The following CTNND2 variants were observed in gnomAD, a reference collection of about 807,000 sequenced individuals.
CTNND2 encodes catenin delta-2.
In CTNND2, 22 loss-of-function variants were observed where a neutral mutation model predicts 144.4. That is an observed-to-expected ratio of 0.15 (90% CI 0.11 to 0.22). CTNND2 has a LOEUF of 0.22. Ranked by LOEUF, CTNND2 falls within the 10% of genes least tolerant of loss-of-function variation. CTNND2 has a pLI of 1.00. For synonymous variants in CTNND2, 751 were observed against 695.6 expected (o/e 1.08, Z -1.25); for missense variants, 1,353 against 1,618.8 (o/e 0.84, Z 2.82).
intron 1 of CTNND2, among the ~76,000 whole-genome samples, chr5:11,770,388 C>T (rs1324283277): frequency 7.5e-6 from 1 of 133,414 alleles, no homozygotes; most frequent in Non-Finnish European, 1.5e-5. Flanking sequence ...GATTGTTACA[C>T]GTGGTATTAA....
At chr5:11,739,896 A>G (rs754335896) in intron 1 of CTNND2, among the ~76,000 whole-genome samples, 2 of 151,974 alleles carry the variant, frequency 1.3e-5, no homozygotes, top group Non-Finnish European at 2.9e-5. Flanking sequence ...CTATACACCA[A>G]TAGAAGACAG....
intron 17 of CTNND2, among the ~76,000 whole-genome samples, chr5:11,021,427 T>C (rs1035950998): frequency 3.3e-5 from 5 of 152,168 alleles, no homozygotes; most frequent in African/African-American, 7.2e-5. Context: ...GGTAAGCACT[T>C]CAATTAGAGA....
chr5:11,876,199 GAGGAGGGAGGAGGC>G (rs1051770018), intron 1 of CTNND2, among the ~76,000 whole-genome samples: 1 of 151,590 alleles, frequency 6.6e-6, no homozygotes, highest in African/African-American at 2.4e-5. Context: ...AAAAAGAGGA[GAGGAGGGAGGAGGC>G]AGGAGGGAGG....
intron 1 of CTNND2, among the ~76,000 whole-genome samples, chr5:11,785,957 A>G (rs1790806291): frequency 6.6e-6 from 1 of 152,244 alleles, no homozygotes. Flanking sequence ...TGCCCGGGGC[A>G]GTCATGGAGG....
intron 8 of CTNND2, among the ~76,000 whole-genome samples, chr5:11,361,882 A>G (rs1756487684): frequency 1.3e-5 from 2 of 152,174 alleles, no homozygotes; most frequent in Non-Finnish European, 2.9e-5. Flanking sequence ...CTGGTCTTCG[A>G]TCTTTCTGCC....
At chr5:10,993,469 A>G (rs1239949735) in intron 18 of CTNND2, among the ~76,000 whole-genome samples, 2 of 152,076 alleles carry the variant, frequency 1.3e-5, no homozygotes, top group African/African-American at 4.8e-5. Flanking sequence ...TTTCTTTTTT[A>G]AATAGATTTT....
intron 9 of CTNND2, among the ~76,000 whole-genome samples, chr5:11,305,274 G>A (rs955040414): frequency 2.6e-5 from 4 of 152,120 alleles, no homozygotes; most frequent in African/African-American, 7.2e-5. Flanking sequence ...CCCCAGGATC[G>A]CCCCACTGTC....
intron 3 of CTNND2, among the ~76,000 whole-genome samples, chr5:11,484,503 A>C (rs1377963279): frequency 1.3e-5 from 2 of 152,212 alleles, no homozygotes; most frequent in African/African-American, 4.8e-5. Context: ...GTACTAAGAA[A>C]AACACATTTA....
chr5:11,456,156 T>A (rs1249566003), intron 3 of CTNND2, among the ~76,000 whole-genome samples: 2 of 152,192 alleles, frequency 1.3e-5, no homozygotes, highest in Non-Finnish European at 2.9e-5. Flanking sequence ...CACTTATTTA[T>A]CATCTAATCG....
chr5:11,061,505 C>T (rs770369187), intron 16 of CTNND2, among the ~76,000 whole-genome samples: 22 of 152,134 alleles, frequency 1.4e-4, no homozygotes, highest in Non-Finnish European at 2.9e-4. Context: ...TTGCCACCTG[C>T]GAACCTCTCT....
intron 1 of CTNND2, among the ~76,000 whole-genome samples, chr5:11,867,389 G>T (rs968647957): frequency 6.6e-6 from 1 of 152,160 alleles, no homozygotes; most frequent in Non-Finnish European, 1.5e-5. Flanking sequence ...TACAGGCAAG[G>T]AATAACATCT....
chr5:11,084,404 C>G (rs542084367), intron 15 of CTNND2, among the ~76,000 whole-genome samples: 1 of 152,282 alleles, frequency 6.6e-6, no homozygotes, highest in African/African-American at 2.4e-5. Context: ...AGTCTCCAGT[C>G]CCCAGCTTGG....
intron 2 of CTNND2, among the ~76,000 whole-genome samples, chr5:11,609,331 AT>A (rs1222822161): frequency 2.0e-5 from 3 of 151,814 alleles, no homozygotes; most frequent in South Asian, 2.1e-4. Flanking sequence ...TGTTTTATTT[AT>A]TTTTTCTTTT....
chr5:11,894,931 A>G (rs1348169853), intron 1 of CTNND2, among the ~76,000 whole-genome samples: 3 of 152,176 alleles, frequency 2.0e-5, no homozygotes, highest in South Asian at 2.1e-4. Context: ...CTACTATCCT[A>G]TGATTTGTGG....
intron 15 of CTNND2, among the ~76,000 whole-genome samples, chr5:11,088,542 G>T (rs969055495): frequency 6.6e-6 from 1 of 152,126 alleles, no homozygotes; most frequent in Non-Finnish European, 1.5e-5. Context: ...CCTCATGGGT[G>T]GAAGTGATCT....
chr5:11,793,708 T>G (rs1791256010), intron 1 of CTNND2, among the ~76,000 whole-genome samples: 1 of 152,180 alleles, frequency 6.6e-6, no homozygotes, highest in Non-Finnish European at 1.5e-5. Flanking sequence ...TTCAGACTTC[T>G]GACCTCCAGA....
intron 3 of CTNND2, among the ~76,000 whole-genome samples, chr5:11,435,444 T>C (rs1181454954): frequency 2.6e-5 from 4 of 152,048 alleles, no homozygotes; most frequent in Non-Finnish European, 4.4e-5. Context: ...GCCCCGCCGT[T>C]TGACAAACGT....
At chr5:11,865,546 G>A (rs4702836) in intron 1 of CTNND2, among the ~76,000 whole-genome samples, 99,455 of 151,954 alleles carry the variant, frequency 0.65, 33,183 homozygotes, top group East Asian at 0.81. Flanking sequence ...ACCAGCAAAG[G>A]AGACAGATTT....
At chr5:11,054,434 G>A (rs1399984570) in intron 16 of CTNND2, among the ~76,000 whole-genome samples, 1 of 152,180 alleles carries the variant, frequency 6.6e-6, no homozygotes, top group Non-Finnish European at 1.5e-5. Flanking sequence ...TATGCAAGAG[G>A]AAAAGAACTA....
Sources: allele counts gnomAD v4.1 joint callset (sites outside exome capture counted in the v4.1 genomes callset), GRCh38; gene constraint gnomAD v4.1.1; transcripts MANE v1.5; gene names NCBI Gene and HGNC (gene_info 2026-07-23, HGNC 2026-07-21).